Variants in SLIT3 observed in about 807,000 individuals in gnomAD.
The protein encoded by SLIT3 is slit guidance ligand 3.
A neutral mutation model predicts 184.0 loss-of-function variants in SLIT3; 68 were observed. The observed-to-expected ratio is 0.37, with a 90% CI of 0.30 to 0.45. The LOEUF (loss-of-function observed/expected upper bound fraction) is 0.45. Ranked by LOEUF, SLIT3 falls within the 20% of genes least tolerant of loss-of-function variation. SLIT3 has a pLI of 1.00. For synonymous variants in SLIT3, 831 were observed against 828.6 expected, an observed-to-expected ratio of 1.00 and a Z score of -0.05; for missense variants, 1,707 against 2,026.0, an observed-to-expected ratio of 0.84 and a Z score of 3.02.
intron 4 of SLIT3, among the ~76,000 whole-genome samples, chr5:169,148,991 T>G (rs944514891): frequency 6.6e-6 from 1 of 152,224 alleles, no homozygotes; most frequent in Admixed American, 6.5e-5. Context: ...AGTATCGTTA[T>G]TCCCATTTTA....
chr5:169,022,398 GAC>G (rs1171167068), intron 4 of SLIT3, among the ~76,000 whole-genome samples: 4 of 152,190 alleles, frequency 2.6e-5, no homozygotes, highest in Non-Finnish European at 5.9e-5. Context: ...CTGAAACTTG[GAC>G]ACAGTCCTGG....
intron 12 of SLIT3, among the ~76,000 whole-genome samples, chr5:168,782,582 C>T (rs1020410109): frequency 1.3e-5 from 2 of 152,186 alleles, no homozygotes; most frequent in African/African-American, 4.8e-5. Flanking sequence ...GACCATTCAC[C>T]CTGAGCTTCC....
intron 20 of SLIT3, among the ~76,000 whole-genome samples, chr5:168,743,291 A>G (rs982651533): frequency 3.3e-5 from 5 of 152,336 alleles, no homozygotes; most frequent in East Asian, 3.9e-4. Flanking sequence ...AAGCAAGTCT[A>G]TTAGTGCCAT....
At chr5:169,061,527 C>T (rs983339037) in intron 4 of SLIT3, among the ~76,000 whole-genome samples, 17 of 152,232 alleles carry the variant, frequency 1.1e-4, no homozygotes, top group Admixed American at 2.0e-4. Flanking sequence ...TTGTTATCAC[C>T]CAAGGCGAGG....
intron 15 of SLIT3, 89 bp from the exon 16 acceptor site, chr5:168,761,025 C>A (rs1006854304): frequency 3.8e-5 from 37 of 964,482 alleles, no homozygotes; most frequent in South Asian, 8.0e-5. Context: ...GCTGCCTGAA[C>A]CTCACACTCG....
At chr5:169,180,992 G>A (rs1338026458) in intron 4 of SLIT3, among the ~76,000 whole-genome samples, 3 of 152,144 alleles carry the variant, frequency 2.0e-5, no homozygotes, top group Non-Finnish European at 1.5e-5. Context: ...GCTCTCCCTG[G>A]AGGCCAGAAA....
intron 1 of SLIT3, among the ~76,000 whole-genome samples, chr5:169,256,876 G>A (rs555092420): frequency 2.6e-5 from 4 of 152,184 alleles, no homozygotes; most frequent in East Asian, 1.9e-4. Flanking sequence ...AATTAGAGAT[G>A]CCCCTCCCTC....
At chr5:169,183,820 T>C (rs1056103343) in intron 4 of SLIT3, among the ~76,000 whole-genome samples, 1 of 152,340 alleles carries the variant, frequency 6.6e-6, no homozygotes, top group South Asian at 2.1e-4. Context: ...CTTCCAGTAA[T>C]ATCAACCAGA....
At chr5:169,294,896 C>T (rs1362704608) in intron 1 of SLIT3, among the ~76,000 whole-genome samples, 1 of 152,110 alleles carries the variant, frequency 6.6e-6, no homozygotes, top group Admixed American at 6.5e-5. Flanking sequence ...GTGTGTTTCT[C>T]AACATACCTA....
At chr5:168,757,851 C>A (rs557489965) in intron 16 of SLIT3, among the ~76,000 whole-genome samples, 11 of 152,334 alleles carry the variant, frequency 7.2e-5, no homozygotes, top group African/African-American at 2.6e-4. Flanking sequence ...ATCTTTATTT[C>A]CTCATATTTC....
At chr5:169,034,912 AGTGTGTGTGTGT>A (rs112102059) in intron 4 of SLIT3, among the ~76,000 whole-genome samples, 1,910 of 132,406 alleles carry the variant, frequency 0.014, 31 homozygotes, top group African/African-American at 0.046. Context: ...ACGCCCAGCT[AGTGTGTGTGTGT>A]GTGTGTGTGT....
chr5:168,844,612 A>G lies in SLIT3; in HGVS notation c.529T>C (p.Phe177Leu). The G allele has an allele frequency of 1.2e-6, 2 of 1,614,202 alleles. No homozygotes were observed. Reference sequence around the variant, plus strand: ...ATCTCCAAATCGCGCAGCGCTCGGAAGGCTCCATCTTCAATGCAGCTGATG... The same window carrying G: ...ATCTCCAAATCGCGCAGCGCTCGGAGGGCTCCATCTTCAATGCAGCTGATG... ...NHISCIEDGA[F>L]RALRDLEILT... Residue 177 changes from phenylalanine to leucine, a missense_variant, in exon 6 of 36, where the codon TTC (phenylalanine) becomes CTC (leucine). Around this residue, in one of 3 missense-constraint regions of SLIT3, gnomAD observed 1,307 missense variants for 1,511.6 expected, o/e 0.86. Transcript: ENST00000519560.
At chr5:169,269,548 T>A (rs1246048700) in intron 1 of SLIT3, among the ~76,000 whole-genome samples, 1 of 152,194 alleles carries the variant, frequency 6.6e-6, no homozygotes, top group African/African-American at 2.4e-5. Context: ...TGGATCAAAA[T>A]GAACTGCAGC....
At chr5:169,163,740 G>A (rs935864612) in intron 4 of SLIT3, among the ~76,000 whole-genome samples, 11 of 151,572 alleles carry the variant, frequency 7.3e-5, no homozygotes, top group African/African-American at 2.7e-4. Flanking sequence ...GAGCATATCG[G>A]GAAATACTAA....
chr5:168,667,627 G>A (rs1761098092), intron 35 of SLIT3: 3 of 152,266 alleles, frequency 2.0e-5, no homozygotes, highest in Admixed American at 2.0e-4. Context: ...GGCACTTGAG[G>A]AAGGGAGCCA....
At position 168,958,324 on chromosome 5, in the gene SLIT3, T is replaced by A. The variant is rs139036011; in HGVS notation, c.414-74988A>T. Among the ~76,000 whole-genome samples, 44 of 152,306 alleles carry A rather than the reference T, an allele frequency of 2.9e-4. 1 individual carries two copies. The East Asian group carries it at 7.1e-3, about 25-fold the overall frequency. ...GAAGGATAGTTTATGAATGGTCAAC[T>A]GCTTGAGGAAACTGCATGGCATTTT... On this transcript the variant is annotated intron_variant, in intron 4 of 35. Coordinates refer to ENST00000519560, the MANE Select transcript of SLIT3 (RefSeq NM_003062.4).
At chr5:169,166,574 C>T (rs1276313328) in intron 4 of SLIT3, among the ~76,000 whole-genome samples, 2 of 152,120 alleles carry the variant, frequency 1.3e-5, no homozygotes, top group African/African-American at 4.8e-5. Flanking sequence ...AAATTCAGCA[C>T]ATAACAAAAG....
intron 4 of SLIT3, among the ~76,000 whole-genome samples, chr5:169,001,943 C>T (rs551040247): frequency 1.2e-4 from 18 of 151,720 alleles, no homozygotes; most frequent in Admixed American, 3.3e-4. Flanking sequence ...GAACTGCAAA[C>T]GGTAGGTTTT....
chr5:169,261,968 A>G (rs955137565), intron 1 of SLIT3, among the ~76,000 whole-genome samples: 6 of 152,250 alleles, frequency 3.9e-5, no homozygotes, highest in Non-Finnish European at 8.8e-5. Context: ...CAAGAATTCA[A>G]GACAACCAGC....
Sources: gnomAD v4.1 joint callset for allele counts (sites outside exome capture counted in the v4.1 genomes callset) on GRCh38, gnomAD v4.1.1 for gene constraint, gnomAD v4.1.1 regional missense constraint, MANE v1.5 for transcripts, NCBI Gene and HGNC (gene_info 2026-07-23, HGNC 2026-07-21) for gene names.